RBFOX1: variants seen among roughly 807,000 people sequenced by gnomAD.
The protein encoded by RBFOX1 is RNA binding protein fox-1 homolog 1.
A neutral mutation model predicts 57.7 loss-of-function variants in RBFOX1; 8 were observed. The observed-to-expected ratio is 0.14, with a 90% CI of 0.08 to 0.25. The LOEUF (loss-of-function observed/expected upper bound fraction) is 0.25, where lower values mean the gene tolerates loss of function less well. Ranked by LOEUF, RBFOX1 falls within the 10% of genes least tolerant of loss-of-function variation. The pLI, the probability that RBFOX1 is intolerant of heterozygous loss-of-function variation, is 1.00. For missense variants in RBFOX1, 611 were observed against 548.5 expected, an observed-to-expected ratio of 1.11 and a Z score of -1.14; for synonymous variants, 326 against 222.4, an observed-to-expected ratio of 1.47 and a Z score of -4.15.
At chr16:6,119,390 A>T (rs909639798) in intron 1 of RBFOX1, among the ~76,000 whole-genome samples, 1 of 152,206 alleles carries the variant, frequency 6.6e-6, no homozygotes, top group Non-Finnish European at 1.5e-5. Flanking sequence ...ATGTCTTTAT[A>T]TCTTATTACT....
At chr16:6,251,548 A>G (rs2097612194) in intron 1 of RBFOX1, among the ~76,000 whole-genome samples, 3 of 152,234 alleles carry the variant, frequency 2.0e-5, no homozygotes, top group Middle Eastern at 3.4e-3. Context: ...ATAGAAAAAT[A>G]TACTGCTTTG....
intron 2 of RBFOX1, among the ~76,000 whole-genome samples, chr16:6,584,779 G>A (rs909580592): frequency 9.2e-5 from 14 of 152,110 alleles, no homozygotes; most frequent in African/African-American, 3.4e-4. Context: ...GACCAGCCTG[G>A]CACCGATCAC....
intron 3 of RBFOX1, among the ~76,000 whole-genome samples, chr16:5,776,208 T>C (rs2054141739): frequency 6.6e-6 from 1 of 152,260 alleles, no homozygotes; most frequent in Non-Finnish European, 1.5e-5. Flanking sequence ...GCTTAAGTTT[T>C]ATCATAAATA....
At chr16:7,492,540 ATAAAAT>A (rs373099247) in intron 4 of RBFOX1, among the ~76,000 whole-genome samples, 3 of 152,280 alleles carry the variant, frequency 2.0e-5, no homozygotes, top group African/African-American at 7.2e-5. Context: ...ACGACACTAA[ATAAAAT>A]TAAAATTCAG....
At chr16:5,284,756 A>AATTTTTTTTTTTTT (rs1303967371) in intron 1 of RBFOX1, among the ~76,000 whole-genome samples, 1 of 61,032 alleles carries the variant, frequency 1.6e-5, no homozygotes, top group Non-Finnish European at 3.0e-5. Context: ...TTTGGCTTAG[A>AATTTTTTTTTTTTT]TTTTTTTTTT....
At chr16:6,977,180 C>A (rs1451711935) in intron 3 of RBFOX1, among the ~76,000 whole-genome samples, 2 of 144,380 alleles carry the variant, frequency 1.4e-5, no homozygotes, top group African/African-American at 2.5e-5. Flanking sequence ...ATATATAGAT[C>A]ATATATATCA....
intron 4 of RBFOX1, among the ~76,000 whole-genome samples, chr16:7,511,547 A>T (rs1016262272): frequency 6.6e-6 from 1 of 152,218 alleles, no homozygotes; most frequent in African/African-American, 2.4e-5. Context: ...TAGTCAGATT[A>T]CAGTGTTTGT....
chr16:6,241,160 C>A (rs1409037734), intron 1 of RBFOX1, among the ~76,000 whole-genome samples: 1 of 152,206 alleles, frequency 6.6e-6, no homozygotes, highest in Non-Finnish European at 1.5e-5. Flanking sequence ...AGCACCCCAA[C>A]GCCCCTGCCA....
intron 4 of RBFOX1, among the ~76,000 whole-genome samples, chr16:7,097,497 T>G (rs1313912468): frequency 6.6e-6 from 1 of 152,172 alleles, no homozygotes; most frequent in Non-Finnish European, 1.5e-5. Flanking sequence ...TGGAGTTTTC[T>G]TTTCTGTTTT....
chr16:5,877,475 G>C (rs151185775), intron 4 of RBFOX1, among the ~76,000 whole-genome samples: 131 of 152,398 alleles, frequency 8.6e-4, no homozygotes, highest in African/African-American at 3.0e-3. Context: ...CCTGGCTTCA[G>C]ATGAGATGGG....
At chr16:6,744,507 G>A (rs993878493) in intron 3 of RBFOX1, among the ~76,000 whole-genome samples, 5 of 151,904 alleles carry the variant, frequency 3.3e-5, no homozygotes, top group African/African-American at 1.2e-4. Flanking sequence ...TCCAATCGCA[G>A]TGGAATCAAA....
At chr16:6,966,865 A>G (rs1280854025) in intron 3 of RBFOX1, among the ~76,000 whole-genome samples, 1 of 150,706 alleles carries the variant, frequency 6.6e-6, no homozygotes, top group Non-Finnish European at 1.5e-5. Flanking sequence ...CCACACATCC[A>G]TCTATCCATG....
At chr16:6,674,915 T>C (rs2057356687) in intron 3 of RBFOX1, among the ~76,000 whole-genome samples, 1 of 152,074 alleles carries the variant, frequency 6.6e-6, no homozygotes, top group Non-Finnish European at 1.5e-5. Context: ...TTTGTTTGTC[T>C]TTTGTTTTTT....
At chr16:5,343,090 G>T (rs143427085) in intron 1 of RBFOX1, among the ~76,000 whole-genome samples, 1 of 152,110 alleles carries the variant, frequency 6.6e-6, no homozygotes, top group Non-Finnish European at 1.5e-5. Context: ...TTAGTGTAAG[G>T]CTTAGGACTT....
At chr16:5,367,770 A>T (rs1399934933) in intron 1 of RBFOX1, among the ~76,000 whole-genome samples, 1 of 152,114 alleles carries the variant, frequency 6.6e-6, no homozygotes, top group Non-Finnish European at 1.5e-5. Context: ...CACGGAGGGG[A>T]GATGCCTTGC....
chr16:6,543,913 T>G (rs1392908661), intron 2 of RBFOX1, among the ~76,000 whole-genome samples: 1 of 152,154 alleles, frequency 6.6e-6, no homozygotes, highest in African/African-American at 2.4e-5. Flanking sequence ...AAGGCCATCT[T>G]GGCATTTGGG....
chr16:6,070,293 G>T (rs905452260), intron 1 of RBFOX1, among the ~76,000 whole-genome samples: 2 of 152,170 alleles, frequency 1.3e-5, no homozygotes, highest in Non-Finnish European at 2.9e-5. Flanking sequence ...CAGGGAAGAC[G>T]TCATGGGAGT....
chr16:7,422,174 G>T lies in RBFOX1; in HGVS notation c.28-95973G>T, dbSNP rs192400333. On this transcript the variant is annotated intron_variant, in intron 4 of 15. Transcript: ENST00000550418. ...TTTGTGTACGTGTGCGTGTGTGTGC[G>T]TGTGCTTGTGCGAGTGAGAAACACT... Among the ~76,000 whole-genome samples the T allele has an allele frequency of 3.3e-5, 5 of 152,224 alleles. No individual in the cohort carries two copies. The South Asian group carries it at 1.0e-3, about 32-fold the overall frequency.
chr16:7,457,129 C>T (rs879275888), intron 4 of RBFOX1, among the ~76,000 whole-genome samples: 5 of 151,922 alleles, frequency 3.3e-5, no homozygotes, highest in Non-Finnish European at 4.4e-5. Context: ...TCAGGAGATC[C>T]GCCTGCCTCA....
Sources: allele counts gnomAD v4.1 joint callset (sites outside exome capture counted in the v4.1 genomes callset), GRCh38; gene constraint gnomAD v4.1.1; transcripts MANE v1.5; gene names NCBI Gene and HGNC (gene_info 2026-07-23, HGNC 2026-07-21).